MAP3K19: variants seen among roughly 807,000 people sequenced by gnomAD.
MAP3K19 encodes the protein mitogen-activated protein kinase kinase kinase 19.
In MAP3K19, 91 loss-of-function variants were observed where a neutral mutation model predicts 114.4. The observed-to-expected ratio is 0.80, with a 90% CI of 0.67 to 0.95. MAP3K19 has a LOEUF of 0.95. Among genes scored for constraint, MAP3K19 ranks in the 40% least tolerant of loss-of-function variants. MAP3K19 has a pLI of 0.00. For missense variants in MAP3K19, 1,471 were observed against 1,573.2 expected (o/e 0.94, Z 1.10); for synonymous variants, 518 against 530.5 (o/e 0.98, Z 0.32).
intron 9 of MAP3K19, 136 bp from the exon 10 acceptor site, chr2:134,988,389 C>T: frequency 1.3e-6 from 1 of 760,790 alleles, no homozygotes; most frequent in Non-Finnish European, 1.9e-6. Context: ...CTGGAAATCA[C>T]AATTCTTTTT....
Position 134,964,835 on chromosome 2 carries a change from A to T in MAP3K19, c.*15T>A, listed in dbSNP as rs920248665. ...GCATCTGCAGTGGAACTGGGAAGAA[A>T]GTCTTGATGTATATTCAGTGACTTC... On this transcript the variant is annotated 3_prime_UTR_variant, in exon 13 of 13. Coordinates refer to ENST00000392915, the MANE Select transcript of MAP3K19 (RefSeq NM_025052.5). 1.9e-6 allele frequency: 3 copies of T among 1,603,620 alleles called. No homozygotes were observed. Among genetic ancestry groups the T allele is most frequent in the Non-Finnish European group, 2.6e-6 (3 of 1,171,370 alleles).
In MAP3K19 at chr2:135,034,257, G is replaced by C. The variant is rs1182847111; in HGVS notation, c.-283-3757C>G. Among the ~76,000 whole-genome samples the C allele has an allele frequency of 1.5e-5, 2 of 129,834 alleles. 1 individual carries two copies. The highest frequency in any genetic ancestry group is 1.6e-4 in the Admixed American group (2 of 12,826). The allele number at this position is 129,834 out of a possible 152,430, so 85.2% of individuals were successfully genotyped here. On this transcript the variant is annotated intron_variant, in intron 2 of 12. Transcript: ENST00000392915. ...TCACTTCCTAGATGGGATGGCGGCC[G>C]GGCAGAGACGCCCCTCACTTCCCAG...
chr2:135,045,241 A>C (rs148250985), intron 1 of MAP3K19, among the ~76,000 whole-genome samples: 185 of 152,348 alleles, frequency 1.2e-3, no homozygotes, highest in African/African-American at 3.3e-3. Context: ...GCAGACGTTT[A>C]GTTGATTGCT....
chr2:135,026,957 T>C (rs565576481), intron 3 of MAP3K19, among the ~76,000 whole-genome samples: 2 of 152,320 alleles, frequency 1.3e-5, no homozygotes, highest in East Asian at 3.9e-4. Context: ...ATGATGCATG[T>C]GCATTTGGCA....
chr2:134,981,101 C>T lies in MAP3K19; in HGVS notation c.3640G>A (p.Ala1214Thr). ...DFGCARRLAW[A>T]GLNGTHSDML... is the part of the protein sequence containing the mutation. ...TCACTGTGGGTGCCATTTAAACCTG[C>T]CCAGGCCAAACGCCTGGCACAGCCA... The change falls in exon 12 of 13, where the codon GCA becomes ACA. Residue 1214 changes from alanine to threonine, a missense_variant. Physicochemically the swap from Ala to Thr is moderately conservative, Grantham distance 58. Transcript: ENST00000392915. 1.2e-6 allele frequency: 2 copies of T among 1,614,200 alleles called. No individual in the cohort carries two copies. Among genetic ancestry groups the T allele is most frequent in the Non-Finnish European group, 1.7e-6 (2 of 1,180,014 alleles).
intron 12 of MAP3K19, among the ~76,000 whole-genome samples, chr2:134,974,203 G>A (rs903205599): frequency 5.3e-5 from 8 of 152,088 alleles, no homozygotes; most frequent in Admixed American, 5.2e-4. Context: ...TTTTCTCCAT[G>A]TTGGTCAGGC....
intron 12 of MAP3K19, among the ~76,000 whole-genome samples, chr2:134,973,945 T>C (rs966561341): frequency 6.6e-6 from 1 of 152,244 alleles, no homozygotes; most frequent in Non-Finnish European, 1.5e-5. Flanking sequence ...TTGCTGAGTA[T>C]AGCATTCTTG....
intron 5 of MAP3K19, 133 bp from the exon 6 acceptor site, chr2:135,005,664 G>A (rs1686761159): frequency 3.0e-6 from 2 of 664,010 alleles, no homozygotes; most frequent in Non-Finnish European, 5.3e-6. Context: ...AAGTATTTAG[G>A]ACTAAAATAA....
chr2:134,972,851 A>G (rs1360656469), intron 12 of MAP3K19, among the ~76,000 whole-genome samples: 1 of 152,068 alleles, frequency 6.6e-6, no homozygotes, highest in Non-Finnish European at 1.5e-5. Context: ...ATTTGTTTTG[A>G]GAAATTTTTT....
intron 12 of MAP3K19, among the ~76,000 whole-genome samples, chr2:134,976,532 A>G (rs1056323949): frequency 2.6e-5 from 4 of 152,010 alleles, no homozygotes; most frequent in African/African-American, 9.7e-5. Flanking sequence ...TCTCTCTCAG[A>G]TGCTATATTT....
intron 6 of MAP3K19, among the ~76,000 whole-genome samples, chr2:135,004,226 C>A (rs1470825757): frequency 6.6e-6 from 1 of 152,216 alleles, no homozygotes; most frequent in South Asian, 2.1e-4. Flanking sequence ...CATTAGGCTT[C>A]TAAGAGCTTG....
rs192242046 is a variant in MAP3K19, at chr2:135,045,777, A to G, written c.-424+1408T>C. 3.2e-4 allele frequency among the ~76,000 whole-genome samples: 49 copies of G among 152,362 alleles called. No homozygotes were observed. The East Asian group carries it at 8.9e-3, about 28-fold the overall frequency. ...AAAATTATCAAATCAAATCACTGCAATACCGGGTAATGTGGTCATTATTTG... is the reference window on the plus strand; with the variant it reads ...AAAATTATCAAATCAAATCACTGCAGTACCGGGTAATGTGGTCATTATTTG... On this transcript the variant is annotated intron_variant, in intron 1 of 12. Coordinates refer to ENST00000392915, the MANE Select transcript of MAP3K19 (RefSeq NM_025052.5).
intron 5 of MAP3K19, among the ~76,000 whole-genome samples, chr2:135,017,577 G>A (rs905245552): frequency 2.0e-5 from 3 of 152,180 alleles, no homozygotes; most frequent in African/African-American, 7.2e-5. Flanking sequence ...GAAGTAGAAT[G>A]TTGGGGATCT....
chr2:134,968,585 T>C (rs1177223932), intron 12 of MAP3K19, among the ~76,000 whole-genome samples: 1 of 146,234 alleles, frequency 6.8e-6, no homozygotes, highest in African/African-American at 2.6e-5. Flanking sequence ...GGCTCCTCAC[T>C]TCTCAGACGG....
Position 135,021,811 on chromosome 2 carries a change from C to G in MAP3K19, c.42G>C (p.Leu14Phe). The change falls in exon 5 of 13, where the codon TTG becomes TTC. Residue 14 changes from leucine to phenylalanine, a missense_variant. By Grantham distance (22) the Leu-to-Phe change is conservative. Transcript: ENST00000392915. Reference protein sequence around the residue: ...MPKPERHAESLLDICHDTNSS... With the variant: ...MPKPERHAESFLDICHDTNSS... ...AGTTTGTATCATGACAAATGTCAAG[C>G]AATGACTCAGCATGTCTTTCTATCA... 2 of 1,605,588 alleles carry G rather than the reference C, an allele frequency of 1.2e-6. No individual in the cohort carries two copies. The highest frequency in any genetic ancestry group is 8.5e-7 in the Non-Finnish European group (1 of 1,175,432).
chr2:134,998,861 C>A lies in MAP3K19; in HGVS notation c.451G>T (p.Glu151Ter). 1 of 1,614,202 alleles carries A rather than the reference C, an allele frequency of 6.2e-7. No homozygotes were observed. Among genetic ancestry groups the A allele is most frequent in the East Asian group, 2.2e-5 (1 of 44,888 alleles). Residue 151 changes from glutamate to a stop codon, truncating the protein, a stop_gained, in exon 8 of 13, where the codon GAG (glutamate) becomes TAG (stop). Transcript: ENST00000392915. LOFTEE classifies it high-confidence loss of function. ...LVLQKEESSR[E>*]LCNVNLGFLL... ...AAGCCCAAGTTCACATTGCAGAGCT[C>A]CCTGGAACTTTCCTCTTTTTGCAAA... is the stretch of plus-strand genomic sequence containing the variant.
chr2:135,010,680 T>C (rs546014809), intron 5 of MAP3K19, among the ~76,000 whole-genome samples: 10 of 152,314 alleles, frequency 6.6e-5, no homozygotes, highest in Admixed American at 3.3e-4. Context: ...GAGGCTGGAA[T>C]GCAGCAGCAC....
chr2:135,024,531 T>C (rs1688178753), intron 4 of MAP3K19, 95 bp downstream of exon 4: 1 of 1,165,132 alleles, frequency 8.6e-7, no homozygotes, highest in African/African-American at 1.5e-5. Flanking sequence ...ACTTGATTTC[T>C]TTAAATGGAT....
chr2:134,968,030 G>A (rs1362338072), intron 12 of MAP3K19, among the ~76,000 whole-genome samples: 2 of 152,050 alleles, frequency 1.3e-5, no homozygotes, highest in Non-Finnish European at 2.9e-5. Flanking sequence ...TTGTGTCCCT[G>A]GGTACTTGAG....
Sources: gnomAD v4.1 joint callset for allele counts (sites outside exome capture counted in the v4.1 genomes callset) on GRCh38, gnomAD v4.1.1 for gene constraint, MANE v1.5 for transcripts, NCBI Gene and HGNC (gene_info 2026-07-23, HGNC 2026-07-21) for gene names.